Variants in TENM3 observed in about 807,000 individuals in gnomAD.
TENM3 encodes teneurin-3.
In TENM3, 63 loss-of-function variants were observed where a neutral mutation model predicts 255.1. The ratio of observed to expected loss-of-function variants is 0.25; its 90% CI spans 0.20 to 0.30. The LOEUF (loss-of-function observed/expected upper bound fraction) is 0.30, where lower values mean the gene tolerates loss of function less well. Ranked by LOEUF, TENM3 falls within the 10% of genes least tolerant of loss-of-function variation. The probability of loss-of-function intolerance (pLI) is 1.00; values close to 1 mark genes in which losing one functional copy is unlikely to be tolerated. For synonymous variants in TENM3, 1,306 were observed against 1,322.3 expected (o/e 0.99, Z 0.27); for missense variants, 2,929 against 3,461.1 (o/e 0.85, Z 3.86).
the TENM3 span, among the ~76,000 whole-genome samples, chr4:181,524,125 A>C: frequency 1.3e-5 from 2 of 152,182 alleles, no homozygotes; most frequent in South Asian, 4.1e-4. Context: ...TATAAAGATT[A>C]ACCTGTGAAA....
chr4:181,539,102 C>T, the TENM3 span, among the ~76,000 whole-genome samples: 193 of 152,268 alleles, frequency 1.3e-3, no homozygotes, highest in Non-Finnish European at 2.2e-3. Context: ...TGGCAGACTA[C>T]GTTCAATGTT....
intron 1 of TENM3, among the ~76,000 whole-genome samples, chr4:182,178,022 T>G (rs1393085050): frequency 6.6e-6 from 1 of 151,520 alleles, no homozygotes; most frequent in Non-Finnish European, 1.5e-5. Context: ...AAGTGTTGTA[T>G]GTATGCAGGA....
chr4:182,669,076 G>T (rs1754971337), intron 6 of TENM3, among the ~76,000 whole-genome samples: 1 of 152,076 alleles, frequency 6.6e-6, no homozygotes, highest in East Asian at 1.9e-4. Context: ...CTTGATGAAT[G>T]AGTCTACATA....
chr4:182,217,009 C>CTTT lies in TENM3; in HGVS notation c.-76+72284_-76+72286dup, dbSNP rs3071526. 9.9e-3 allele frequency among the ~76,000 whole-genome samples: 669 copies of CTTT among 67,462 alleles called. 19 individuals carry two copies. Among genetic ancestry groups the CTTT allele is most frequent in the African/African-American group, 0.011 (193 of 18,308 alleles). 44.3% of individuals were successfully genotyped at this position (67,462 alleles called of 152,430 possible). On this transcript the variant is annotated intron_variant, in intron 1 of 2. Coordinates refer to the TENM3 transcript ENST00000512480. ...TCTAAATTTCACCATCATTTTCTTT[C>CTTT]TTTTTTTTTTTTTTTTTTTTTTTTT...
chr4:182,221,254 C>T (rs1251257187), intron 1 of TENM3, among the ~76,000 whole-genome samples: 4 of 152,130 alleles, frequency 2.6e-5, no homozygotes, highest in East Asian at 1.9e-4. Context: ...AAAAGTTAGC[C>T]GTTTTTAAGC....
At chr4:182,757,370 G>T (rs1762822033) in intron 22 of TENM3, among the ~76,000 whole-genome samples, 3 of 150,030 alleles carry the variant, frequency 2.0e-5, no homozygotes, top group Admixed American at 2.0e-4. Flanking sequence ...CATTGGTAGG[G>T]TTTCAGTTTA....
At chr4:182,560,322 A>G (rs1484097766) in intron 3 of TENM3, among the ~76,000 whole-genome samples, 1 of 152,140 alleles carries the variant, frequency 6.6e-6, no homozygotes, top group Non-Finnish European at 1.5e-5. Context: ...GTGTTTTACA[A>G]TTTTTTCTCA....
At chr4:182,626,104 G>A (rs1399457313) in intron 4 of TENM3, among the ~76,000 whole-genome samples, 1 of 152,112 alleles carries the variant, frequency 6.6e-6, no homozygotes, top group East Asian at 1.9e-4. Context: ...TGTCTATGGC[G>A]GCTTTCACGA....
intron 3 of TENM3, among the ~76,000 whole-genome samples, chr4:182,385,038 C>A (rs964798018): frequency 1.3e-5 from 2 of 152,110 alleles, no homozygotes; most frequent in African/African-American, 4.8e-5. Flanking sequence ...AACTGCTCTG[C>A]GGCTTCAGCC....
At chr4:182,148,776 A>G (rs941817503) in intron 1 of TENM3, among the ~76,000 whole-genome samples, 1 of 151,932 alleles carries the variant, frequency 6.6e-6, no homozygotes, top group Admixed American at 6.6e-5. Flanking sequence ...TGATATTTGC[A>G]TTTGTTTCTT....
At chr4:181,604,100 TAA>T in the TENM3 span, among the ~76,000 whole-genome samples, 12 of 151,822 alleles carry the variant, frequency 7.9e-5, no homozygotes, top group South Asian at 2.1e-4. Context: ...CCGTCTCTAC[TAA>T]AAATACAAAA....
intron 3 of TENM3, among the ~76,000 whole-genome samples, chr4:182,582,672 A>G (rs1176047738): frequency 1.3e-5 from 2 of 152,156 alleles, no homozygotes; most frequent in Non-Finnish European, 2.9e-5. Flanking sequence ...AAAGTAGCAA[A>G]CAGTATTTTT....
At chr4:181,997,443 T>C in the TENM3 span, among the ~76,000 whole-genome samples, 7 of 152,162 alleles carry the variant, frequency 4.6e-5, no homozygotes, top group South Asian at 4.1e-4. Context: ...TTCTATTTAA[T>C]ATCATGAGAT....
intron 3 of TENM3, among the ~76,000 whole-genome samples, chr4:182,523,903 TATC>T (rs1289950625): frequency 6.6e-6 from 1 of 152,224 alleles, no homozygotes; most frequent in Non-Finnish European, 1.5e-5. Flanking sequence ...TCTTTTATAA[TATC>T]ATATAAAGAT....
chr4:181,964,939 C>T, the TENM3 span, among the ~76,000 whole-genome samples: 3 of 152,218 alleles, frequency 2.0e-5, no homozygotes, highest in African/African-American at 7.2e-5. Flanking sequence ...GTATTAGCCA[C>T]GTTAGGGCAT....
intron 1 of TENM3, among the ~76,000 whole-genome samples, chr4:182,149,592 C>T (rs890377204): frequency 6.6e-6 from 1 of 151,864 alleles, no homozygotes; most frequent in African/African-American, 2.4e-5. Flanking sequence ...ATTTTACTTC[C>T]CTGTTGATAA....
intron 3 of TENM3, among the ~76,000 whole-genome samples, chr4:182,556,349 C>G (rs1742585558): frequency 6.6e-6 from 1 of 152,154 alleles, no homozygotes; most frequent in Non-Finnish European, 1.5e-5. Context: ...AGAGACAAGT[C>G]CTTTCAGGAG....
At chr4:181,451,504 A>T in the TENM3 span, among the ~76,000 whole-genome samples, 1 of 152,170 alleles carries the variant, frequency 6.6e-6, no homozygotes, top group East Asian at 1.9e-4. Flanking sequence ...AATAGAACAG[A>T]TGTAGAAAGG....
At chr4:182,634,517 A>G (rs941604510) in intron 5 of TENM3, among the ~76,000 whole-genome samples, 3 of 152,134 alleles carry the variant, frequency 2.0e-5, no homozygotes, top group African/African-American at 4.8e-5. Flanking sequence ...CTGAGCCTGC[A>G]GCTAAAATCC....
Sources: allele counts gnomAD v4.1 joint callset (sites outside exome capture counted in the v4.1 genomes callset), GRCh38; gene constraint gnomAD v4.1.1; transcripts MANE v1.5; gene names NCBI Gene and HGNC (gene_info 2026-07-23, HGNC 2026-07-21).